The following CLSTN1 variants were observed in gnomAD, a reference collection of about 807,000 sequenced individuals.
The protein encoded by CLSTN1 is calsyntenin-1.
Under a neutral mutation model 108.3 loss-of-function variants are expected in CLSTN1, and 28 were observed. That is an observed-to-expected ratio of 0.26 (90% CI 0.19 to 0.35). The LOEUF (loss-of-function observed/expected upper bound fraction) is 0.35, where lower values mean the gene tolerates loss of function less well. Ranked by LOEUF, CLSTN1 falls within the 10% of genes least tolerant of loss-of-function variation. CLSTN1 has a pLI of 1.00. For synonymous variants in CLSTN1, 524 were observed against 534.9 expected, an observed-to-expected ratio of 0.98 and a Z score of 0.28; for missense variants, 1,157 against 1,302.6, an observed-to-expected ratio of 0.89 and a Z score of 1.72.
chr1:9,745,776 T>G (rs1300870288), intron 7 of CLSTN1, among the ~76,000 whole-genome samples: 2 of 145,862 alleles, frequency 1.4e-5, no homozygotes, highest in African/African-American at 2.6e-5. Context: ...TTTTTTTTTT[T>G]TTTTTTTTTT....
chr1:9,822,796 G>A (rs964092171), intron 1 of CLSTN1, among the ~76,000 whole-genome samples: 4 of 152,144 alleles, frequency 2.6e-5, no homozygotes, highest in Admixed American at 2.0e-4. Flanking sequence ...TTCCCACCGA[G>A]CCATAAAATA....
chr1:9,733,461 C>A lies in CLSTN1; in HGVS notation c.2367G>T (p.Lys789Asn). ...NWHARSLLDR[K>N]FKLICSELNG... ...TCAGCTCTGAGCAGATGAGCTTAAACTTCCGGTCAAGCAAGGACCTGGCAT... is the reference window on the plus strand; with the variant it reads ...TCAGCTCTGAGCAGATGAGCTTAAAATTCCGGTCAAGCAAGGACCTGGCAT... The change falls in exon 16 of 19, where the codon AAG (lysine) becomes AAT (asparagine). Residue 789 changes from lysine (K) to asparagine (N), a missense_variant. Lys to Asn is a moderately conservative substitution (Grantham distance 94). Coordinates refer to ENST00000377298, the MANE Select transcript of CLSTN1 (RefSeq NM_001009566.3). The A allele has an allele frequency of 6.2e-7, 1 of 1,614,200 alleles. No individual in the cohort carries two copies. The highest frequency in any genetic ancestry group is 1.3e-5 in the African/African-American group (1 of 75,060).
intron 7 of CLSTN1, among the ~76,000 whole-genome samples, chr1:9,746,845 G>A (rs1028354814): frequency 6.6e-6 from 1 of 152,004 alleles, no homozygotes; most frequent in Admixed American, 6.6e-5. Flanking sequence ...CACCTACTTC[G>A]TAGACTTGTT....
rs758283175 is a variant in CLSTN1 at position 9,730,688 on chromosome 1, G to C, written c.2766C>G (p.His922Gln). ...VNPMETYEDQ[H>Q]SSEEEEEEEE... is the part of the protein sequence containing the mutation. ...CCTCTTCCTCCTCCTCCTCACTGCT[G>C]TGCTGGTCCTCATAGGTCTGGCAAG... Residue 922 changes from histidine (H) to glutamine (Q), a missense_variant, in exon 19 of 19, where the codon CAC (histidine) becomes CAG (glutamine). Coordinates refer to ENST00000377298, the MANE Select transcript of CLSTN1 (RefSeq NM_001009566.3). The surrounding 1 kb of genome is among the most constrained non-coding windows in gnomAD (Gnocchi z 5.6). 3.8e-5 allele frequency: 61 copies of C among 1,606,788 alleles called. No individual in the cohort carries two copies. Among genetic ancestry groups the C allele is most frequent in the Non-Finnish European group, 4.7e-5 (55 of 1,178,780 alleles).
chr1:9,750,083 C>G (rs1440067946), intron 5 of CLSTN1, 170 bp from the exon 6 acceptor site: 2 of 592,458 alleles, frequency 3.4e-6, no homozygotes, highest in Non-Finnish European at 6.0e-6. Flanking sequence ...TGAGCCCTAA[C>G]ACGCACTAAA....
Position 9,732,101 on chromosome 1 carries a change from A to C in CLSTN1, c.2428-205T>G, listed in dbSNP as rs185201803. On this transcript the variant is annotated intron_variant, in intron 16 of 18. Transcript: ENST00000377298. Reference sequence around the variant, plus strand: ...AAACAAAAACAAAGAAAAAGAAACAAAAACCAAACAAAAAAGAGTAATAAG... The same window carrying C: ...AAACAAAAACAAAGAAAAAGAAACACAAACCAAACAAAAAAGAGTAATAAG... Among the ~76,000 whole-genome samples, 9 of 152,318 alleles carry C rather than the reference A, an allele frequency of 5.9e-5. No homozygotes were observed. The East Asian group carries it at 1.7e-3, about 29-fold the overall frequency.
At position 9,739,137 on chromosome 1, in the gene CLSTN1, T is replaced by C. The variant is rs528803098; in HGVS notation, c.1520-1583A>G. On this transcript the variant is annotated intron_variant, in intron 10 of 18. Transcript: ENST00000377298. ...TTCCATGAACTTGGATGGGAAAAATTACATGCTTATTTCCACTAACTTCTG... is the reference window on the plus strand; with the variant it reads ...TTCCATGAACTTGGATGGGAAAAATCACATGCTTATTTCCACTAACTTCTG... Among the ~76,000 whole-genome samples, 23 of 152,296 alleles carry C rather than the reference T, an allele frequency of 1.5e-4. No homozygotes were observed. The South Asian group carries it at 4.6e-3, about 30-fold the overall frequency.
intron 1 of CLSTN1, among the ~76,000 whole-genome samples, chr1:9,802,995 T>C (rs773715826): frequency 2.0e-5 from 3 of 152,022 alleles, no homozygotes; most frequent in Non-Finnish European, 4.4e-5. Context: ...TAGGTAATTT[T>C]TTATTTTTTG....
chr1:9,792,126 G>A (rs1183981810), intron 1 of CLSTN1, among the ~76,000 whole-genome samples: 1 of 151,030 alleles, frequency 6.6e-6, no homozygotes, highest in African/African-American at 2.4e-5. Flanking sequence ...AGGTTGCAGT[G>A]AGCTGAGATC....
In CLSTN1 at chr1:9,735,149, A is replaced by G; in HGVS notation, c.1909T>C (p.Ser637Pro). The change falls in exon 14 of 19, where the codon TCG becomes CCG. Residue 637 changes from serine (S) to proline (P), a missense_variant. By Grantham distance (74) the Ser-to-Pro change is moderately conservative. Transcript: ENST00000377298. ...ACGTAGCCATCTACCGGGGGGACCGAAATGCAGGTGGCCTCGTTAAAACAC... is the reference window on the plus strand; with the variant it reads ...ACGTAGCCATCTACCGGGGGGACCGGAATGCAGGTGGCCTCGTTAAAACAC... ...IKCFNEATCI[S>P]VPPVDGYVMV... 1 of 1,614,214 alleles carries G rather than the reference A, an allele frequency of 6.2e-7. No homozygotes were observed. The highest frequency in any genetic ancestry group is 8.5e-7 in the Non-Finnish European group (1 of 1,180,042).
chr1:9,781,256 C>T, intron 1 of CLSTN1: 2 of 755,080 alleles, frequency 2.6e-6, no homozygotes, highest in Non-Finnish European at 4.7e-6. Context: ...TGGGGAAATT[C>T]TGATGAGATA....
intron 1 of CLSTN1, among the ~76,000 whole-genome samples, chr1:9,778,257 C>CACAG (rs1326801082): frequency 6.6e-6 from 1 of 151,842 alleles, no homozygotes; most frequent in African/African-American, 2.4e-5. Context: ...CACACACACA[C>CACAG]ACACACACAC....
rs1313956652 is a variant in CLSTN1 at position 9,823,068 on chromosome 1, A to C, written c.91+575T>G. 3.3e-5 allele frequency among the ~76,000 whole-genome samples: 5 copies of C among 152,154 alleles called. No homozygotes were observed. Among genetic ancestry groups the C allele is most frequent in the African/African-American group, 7.2e-5 (3 of 41,434 alleles). On this transcript the variant is annotated intron_variant, in intron 1 of 18. Coordinates refer to ENST00000377298, the MANE Select transcript of CLSTN1 (RefSeq NM_001009566.3). This position sits in a 1 kb window ranked among gnomAD's most constrained non-coding sequence, Gnocchi z 6.3. The stretch of plus-strand genomic sequence containing the variant: ...ACAACGTCTGAAGGACTCTGGGAGG[A>C]GGCGGAAAGGGGCGAAGTCGTGGTG...
chr1:9,812,465 A>T (rs1654799402), intron 1 of CLSTN1, among the ~76,000 whole-genome samples: 1 of 151,984 alleles, frequency 6.6e-6, no homozygotes, highest in Admixed American at 6.6e-5. Context: ...GACTATTAAT[A>T]CTCTGTCATC....
At chr1:9,779,751 G>A (rs969235671) in intron 1 of CLSTN1, among the ~76,000 whole-genome samples, 3 of 151,986 alleles carry the variant, frequency 2.0e-5, no homozygotes, top group Non-Finnish European at 4.4e-5. Context: ...AATAAACCAT[G>A]CTATGATGTA....
At chr1:9,786,663 A>C (rs948318797) in intron 1 of CLSTN1, among the ~76,000 whole-genome samples, 29 of 150,474 alleles carry the variant, frequency 1.9e-4, no homozygotes, top group African/African-American at 6.8e-4. Flanking sequence ...AAAAAAAAAA[A>C]AAAAAAAAAA....
intron 18 of CLSTN1, 100 bp downstream of exon 18, chr1:9,731,106 T>C (rs1288520040): frequency 2.2e-6 from 3 of 1,384,794 alleles, no homozygotes; most frequent in East Asian, 2.3e-5. Context: ...GATGACGCGA[T>C]GGAAAGCATG....
chr1:9,816,091 A>G (rs1223742057), intron 1 of CLSTN1, among the ~76,000 whole-genome samples: 2 of 152,262 alleles, frequency 1.3e-5, no homozygotes, highest in Admixed American at 6.5e-5. Flanking sequence ...AATTAGCTAC[A>G]AAGTGGAAAT....
chr1:9,781,036 T>C, intron 1 of CLSTN1: 1 of 516,316 alleles, frequency 1.9e-6, no homozygotes, highest in Non-Finnish European at 3.5e-6. Context: ...CATTTCAGGT[T>C]TTGGGATTAA....
Sources: gnomAD v4.1 joint callset for allele counts (sites outside exome capture counted in the v4.1 genomes callset) on GRCh38, gnomAD v4.1.1 for gene constraint, Gnocchi (gnomAD v3.1) non-coding constraint, MANE v1.5 for transcripts, NCBI Gene and HGNC (gene_info 2026-07-23, HGNC 2026-07-21) for gene names.